VWF: variants seen among roughly 807,000 people sequenced by gnomAD.
VWF encodes Factor VIII related antigen.
VWF carries 176 observed loss-of-function variants against 308.6 expected under a neutral mutation model. The ratio of observed to expected loss-of-function variants is 0.57; its 90% CI spans 0.50 to 0.65. The LOEUF is 0.65. Ranked by LOEUF, VWF falls within the 30% of genes least tolerant of loss-of-function variation. The pLI is 0.00. For missense variants in VWF, 3,146 were observed against 3,648.2 expected (o/e 0.86, Z 3.55); for synonymous variants, 1,385 against 1,443.4 (o/e 0.96, Z 0.92).
chr12:6,045,561 C>A (rs1944438642), intron 17 of VWF, among the ~76,000 whole-genome samples: 1 of 152,188 alleles, frequency 6.6e-6, no homozygotes, highest in Non-Finnish European at 1.5e-5. Context: ...CTTGAGGTCA[C>A]AAGTTCTGGT....
chr12:5,988,857 G>C (rs993731322), intron 38 of VWF, among the ~76,000 whole-genome samples: 2 of 151,990 alleles, frequency 1.3e-5, no homozygotes, highest in African/African-American at 2.4e-5. Context: ...ACCGGTATGA[G>C]AGCCAGCAGG....
chr12:6,047,215 T>C (rs777563185), intron 16 of VWF, among the ~76,000 whole-genome samples: 2 of 152,128 alleles, frequency 1.3e-5, no homozygotes, highest in Non-Finnish European at 2.9e-5. Context: ...CTTCTCACAC[T>C]CTGCTGCCAT....
rs192331585 is a variant in VWF, at chr12:6,065,324, C to G, written c.1157-51G>C. On this transcript the variant is annotated intron_variant, in intron 10 of 51. Coordinates refer to ENST00000261405, the MANE Select transcript of VWF (RefSeq NM_000552.5). ...AGAATGGGAGGTGAGGGCACTTCCC[C>G]TGGGGTGGCCAAGGTGGAATGCATA... 4.5e-3 allele frequency: 7,236 copies of G among 1,610,006 alleles called. 23 individuals carry two copies. The highest frequency in any genetic ancestry group is 5.7e-3 in the Non-Finnish European group (6,693 of 1,177,906).
At chr12:5,964,592 T>G (rs571961771) in intron 47 of VWF, among the ~76,000 whole-genome samples, 3 of 152,200 alleles carry the variant, frequency 2.0e-5, no homozygotes, top group Non-Finnish European at 4.4e-5. Context: ...CCAAGTCAAT[T>G]TGGAGCACCC....
chr12:6,012,036 C>T, intron 33 of VWF, 51 bp downstream of exon 33: 1 of 1,599,478 alleles, frequency 6.3e-7, no homozygotes, highest in Non-Finnish European at 8.6e-7. Flanking sequence ...GGAACAAGAG[C>T]CCCAAACACA....
rs61754005 is a variant in VWF at position 6,071,344 on chromosome 12, C to T, written c.1110-1G>A. 2 of 1,614,140 alleles carry T rather than the reference C, an allele frequency of 1.2e-6. No individual in the cohort carries two copies. The highest frequency in any genetic ancestry group is 1.7e-6 in the Non-Finnish European group (2 of 1,180,018). ...GATCCACTGGCTGTTTCGGCAAATG[C>T]TGTTGGAGGGAAAAAGCACAGGTCA... On this transcript the variant is annotated splice_acceptor_variant, in intron 9 of 51. Transcript: ENST00000261405. LOFTEE classifies it high-confidence loss of function.
At chr12:5,998,941 C>T (rs1260012169) in intron 34 of VWF, among the ~76,000 whole-genome samples, 1 of 152,166 alleles carries the variant, frequency 6.6e-6, no homozygotes, top group Admixed American at 6.5e-5. Context: ...GTTGGCCAGG[C>T]TGGTCTCGAA....
chr12:5,972,998 C>G (rs1943493963), intron 43 of VWF, among the ~76,000 whole-genome samples: 1 of 152,170 alleles, frequency 6.6e-6, no homozygotes, highest in South Asian at 2.1e-4. Flanking sequence ...TTTTTGTTTC[C>G]TGTTGCCTCT....
At chr12:6,107,776 A>G (rs1334471623) in intron 5 of VWF, among the ~76,000 whole-genome samples, 1 of 151,996 alleles carries the variant, frequency 6.6e-6, no homozygotes, top group African/African-American at 2.4e-5. Context: ...CTCCTGCCTC[A>G]GCTTCCCGAG....
rs1330526716 is a variant in VWF, at chr12:5,984,944, A to G, written c.6976+101T>C. On this transcript the variant is annotated intron_variant, in intron 40 of 51. Coordinates refer to ENST00000261405, the MANE Select transcript of VWF (RefSeq NM_000552.5). ...GGTCCTTACCCACCTCCTTTCACAC[A>G]CCCTGTGCCTGAGAACAGAGACACC... is the stretch of plus-strand genomic sequence containing the variant. The G allele has an allele frequency of 1.4e-5, 18 of 1,297,246 alleles. 1 individual carries two copies. Among genetic ancestry groups the G allele is most frequent in the South Asian group, 1.2e-4 (10 of 84,078 alleles). 80.4% of individuals were successfully genotyped at this position (1,297,246 alleles called of 1,614,324 possible). A position where few individuals can be genotyped will look rare whatever the true frequency, so the allele number is the denominator to read the frequency against.
intron 6 of VWF, among the ~76,000 whole-genome samples, chr12:6,088,924 C>A (rs1259313980): frequency 6.6e-6 from 1 of 152,206 alleles, no homozygotes; most frequent in Non-Finnish European, 1.5e-5. Flanking sequence ...CTAGGTATAA[C>A]TAACAAGTAA....
chr12:6,117,884 G>A (rs1945386104), intron 3 of VWF, among the ~76,000 whole-genome samples: 1 of 152,230 alleles, frequency 6.6e-6, no homozygotes, highest in African/African-American at 2.4e-5. Context: ...CAGTGAAGAG[G>A]GAGAGCAGAG....
chr12:6,005,923 G>A (rs745718763), intron 34 of VWF, among the ~76,000 whole-genome samples: 1 of 152,140 alleles, frequency 6.6e-6, no homozygotes, highest in Admixed American at 6.5e-5. Context: ...CATATGAAAG[G>A]TAAAATTCCT....
At chr12:6,016,466 A>T in intron 30 of VWF, 50 bp downstream of exon 30, 9 of 1,596,206 alleles carry the variant, frequency 5.6e-6, no homozygotes, top group Non-Finnish European at 6.8e-6. Flanking sequence ...TATGCCAAAA[A>T]TAAGAACCAG....
At chr12:6,014,410 T>C (rs1437934642) in intron 31 of VWF, among the ~76,000 whole-genome samples, 3 of 152,194 alleles carry the variant, frequency 2.0e-5, no homozygotes, top group Non-Finnish European at 4.4e-5. Context: ...GGGTTCCAGT[T>C]AGACAGCTAT....
intron 38 of VWF, among the ~76,000 whole-genome samples, chr12:5,989,658 A>G (rs1943716270): frequency 6.6e-6 from 1 of 152,208 alleles, no homozygotes; most frequent in East Asian, 1.9e-4. Flanking sequence ...ACTGAAGATG[A>G]GGCGGGCAGT....
intron 20 of VWF, 95 bp from the exon 21 acceptor site, chr12:6,031,673 C>CGTGTCACAG: frequency 6.3e-7 from 1 of 1,590,810 alleles, no homozygotes; most frequent in Non-Finnish European, 8.6e-7. Context: ...CCTTTGAGTA[C>CGTGTCACAG]GTGTCACAGG....
chr12:6,046,718 C>G lies in VWF; in HGVS notation c.2281+5G>C. On this transcript the variant is annotated splice_donor_5th_base_variant and intron_variant, in intron 17 of 51. Transcript: ENST00000261405. This position sits in a 1 kb window ranked among gnomAD's most constrained non-coding sequence, Gnocchi z 5.0. ...CAATGGGCCTTCCAGGGGGACAGTACTCACTGCGATGAGACAGGGGACTGC... is the reference window on the plus strand; with the variant it reads ...CAATGGGCCTTCCAGGGGGACAGTAGTCACTGCGATGAGACAGGGGACTGC... The G allele has an allele frequency of 6.2e-7, 1 of 1,613,958 alleles. No individual in the cohort carries two copies. Among genetic ancestry groups the G allele is most frequent in the African/African-American group, 1.3e-5 (1 of 75,066 alleles).
At chr12:6,013,690 C>T (rs1944023490) in intron 31 of VWF, 45 bp from the exon 32 acceptor site, 3 of 1,609,096 alleles carry the variant, frequency 1.9e-6, no homozygotes, top group Non-Finnish European at 2.5e-6. Context: ...GGCAAGAAGG[C>T]TCAAAATGGA....
Sources: gnomAD v4.1 joint callset for allele counts (sites outside exome capture counted in the v4.1 genomes callset) on GRCh38, gnomAD v4.1.1 for gene constraint, Gnocchi (gnomAD v3.1) non-coding constraint, MANE v1.5 for transcripts, NCBI Gene and HGNC (gene_info 2026-07-23, HGNC 2026-07-21) for gene names.